The following ADK variants were observed in gnomAD, a reference collection of about 807,000 sequenced individuals.
The protein encoded by ADK is N6,N6-dimethyladenosine kinase.
In ADK, 24 loss-of-function variants were observed where a neutral mutation model predicts 44.7. The observed-to-expected ratio is 0.54, with a 90% CI of 0.39 to 0.76. ADK has a LOEUF of 0.76. Among genes scored for constraint, ADK ranks in the 30% least tolerant of loss-of-function variants. The pLI is 0.00. For missense variants in ADK, 321 were observed against 425.1 expected (o/e 0.76, Z 2.15); for synonymous variants, 128 against 142.6 (o/e 0.90, Z 0.73).
In ADK at chr10:74,480,194, A is replaced by G. The variant is rs563078060; in HGVS notation, c.556-45062A>G. On this transcript the variant is annotated intron_variant, in intron 6 of 10. Coordinates refer to ENST00000539909, the MANE Select transcript of ADK (RefSeq NM_006721.4). ...GCTTTGTGTTTTGCTCTTGAAGTCT[A>G]AGGCAGCCTAATTTTCTTTCTTTCT... Among the ~76,000 whole-genome samples the G allele has an allele frequency of 1.8e-4, 26 of 148,430 alleles. No individual in the cohort carries two copies. In the South Asian group the frequency reaches 5.1e-3, roughly 29 times the overall value.
chr10:74,179,715 CA>C (rs1268561816), intron 1 of ADK, among the ~76,000 whole-genome samples: 3 of 152,100 alleles, frequency 2.0e-5, no homozygotes, highest in Non-Finnish European at 2.9e-5. Flanking sequence ...ATGATTAATC[CA>C]CCCCTTGTTT....
chr10:74,348,909 C>G (rs1186512516), intron 4 of ADK, among the ~76,000 whole-genome samples: 2 of 150,656 alleles, frequency 1.3e-5, no homozygotes, highest in Non-Finnish European at 3.0e-5. Context: ...ACATATGAGA[C>G]TATGTGAAAA....
intron 3 of ADK, among the ~76,000 whole-genome samples, chr10:74,277,221 AAAT>A (rs1846724008): frequency 6.6e-6 from 1 of 152,040 alleles, no homozygotes; most frequent in African/African-American, 2.4e-5. Flanking sequence ...CCCAGCCTTT[AAAT>A]ATCTTAATAA....
rs1254601102 is a variant in ADK, at chr10:74,567,696, TTTG to T, written c.727-21583_727-21581del. Among the ~76,000 whole-genome samples, 239 of 131,858 alleles carry T rather than the reference TTTG, an allele frequency of 1.8e-3. 3 individuals are homozygous for T. Among genetic ancestry groups the T allele is most frequent in the African/African-American group, 8.4e-3 (225 of 26,650 alleles). 86.5% of individuals were successfully genotyped at this position (131,858 alleles called of 152,430 possible). A position where few individuals can be genotyped will look rare whatever the true frequency, so the allele number is the denominator to read the frequency against. ...CTCTCTCTCTGTTTTTTTTGTTTTT[TTTG>T]TTTTTTTTTTTTTTTTTGAGATGGA... is the stretch of plus-strand genomic sequence containing the variant. On this transcript the variant is annotated intron_variant, in intron 7 of 10. Transcript: ENST00000539909.
At chr10:74,513,139 C>A (rs906595914) in intron 6 of ADK, among the ~76,000 whole-genome samples, 4 of 151,972 alleles carry the variant, frequency 2.6e-5, no homozygotes, top group African/African-American at 9.7e-5. Flanking sequence ...TATTTTGATC[C>A]TTTAAGAATA....
intron 6 of ADK, among the ~76,000 whole-genome samples, chr10:74,411,231 A>G (rs1325066523): frequency 6.6e-6 from 1 of 152,156 alleles, no homozygotes; most frequent in African/African-American, 2.4e-5. Context: ...ATGAAAAAAA[A>G]ATCTGTAGAG....
At chr10:74,350,136 C>G (rs1423227608) in intron 4 of ADK, among the ~76,000 whole-genome samples, 1 of 152,200 alleles carries the variant, frequency 6.6e-6, no homozygotes, top group South Asian at 2.1e-4. Flanking sequence ...GCACATGGCA[C>G]TTATTCTCAA....
intron 6 of ADK, among the ~76,000 whole-genome samples, chr10:74,511,688 A>G (rs1009117774): frequency 1.3e-5 from 2 of 152,140 alleles, no homozygotes; most frequent in Non-Finnish European, 2.9e-5. Context: ...TATCAGTTCT[A>G]AGAGTTTTTT....
At chr10:74,425,903 C>G (rs974064967) in intron 6 of ADK, among the ~76,000 whole-genome samples, 3 of 152,086 alleles carry the variant, frequency 2.0e-5, no homozygotes, top group Admixed American at 1.3e-4. Flanking sequence ...CCTATTTAGT[C>G]AGAAATAGAA....
intron 4 of ADK, chr10:74,371,711 G>A: frequency 7.6e-7 from 1 of 1,320,024 alleles, no homozygotes; most frequent in Non-Finnish European, 1.1e-6. Flanking sequence ...AGAAGCTTCT[G>A]CTGGCAGCTT....
At chr10:74,312,489 A>G (rs935214379) in intron 3 of ADK, among the ~76,000 whole-genome samples, 2 of 151,432 alleles carry the variant, frequency 1.3e-5, no homozygotes, top group Admixed American at 1.3e-4. Flanking sequence ...TTCATTTTTT[A>G]AAAATTGCAC....
intron 6 of ADK, among the ~76,000 whole-genome samples, chr10:74,487,518 T>A (rs1416084651): frequency 6.6e-6 from 1 of 151,126 alleles, no homozygotes; most frequent in African/African-American, 2.5e-5. Context: ...TGCCAGTTTA[T>A]TTTTTGGCTA....
intron 4 of ADK, among the ~76,000 whole-genome samples, chr10:74,348,046 CA>C (rs1841837065): frequency 1.3e-5 from 2 of 152,292 alleles, no homozygotes; most frequent in East Asian, 3.9e-4. Flanking sequence ...CTGATACTGA[CA>C]AGGAGGATTC....
intron 1 of ADK, among the ~76,000 whole-genome samples, chr10:74,164,684 C>CCT (rs1841989597): frequency 6.6e-6 from 1 of 152,038 alleles, no homozygotes; most frequent in African/African-American, 2.4e-5. Context: ...TAGACTTATA[C>CCT]TCGTAGATTC....
At chr10:74,185,702 A>G (rs1842728406) in intron 1 of ADK, among the ~76,000 whole-genome samples, 1 of 151,082 alleles carries the variant, frequency 6.6e-6, no homozygotes, top group African/African-American at 2.4e-5. Context: ...CAGGCGTGGT[A>G]GCGGGCGCCT....
chr10:74,489,412 A>G (rs1847386601), intron 6 of ADK, among the ~76,000 whole-genome samples: 2 of 152,022 alleles, frequency 1.3e-5, no homozygotes, highest in Non-Finnish European at 2.9e-5. Flanking sequence ...ACATTCCCAG[A>G]TAGAATAACA....
At chr10:74,576,166 T>A (rs1254413711) in intron 7 of ADK, among the ~76,000 whole-genome samples, 1 of 151,856 alleles carries the variant, frequency 6.6e-6, no homozygotes, top group Non-Finnish European at 1.5e-5. Context: ...GCAAATAAGA[T>A]AAGCAACAGA....
chr10:74,630,610 A>G (rs114279307), intron 9 of ADK, among the ~76,000 whole-genome samples: 318 of 152,284 alleles, frequency 2.1e-3, no homozygotes, highest in African/African-American at 7.3e-3. Context: ...CAAAGACGTG[A>G]TACTAATTAG....
At chr10:74,527,977 T>A (rs1289783637) in intron 7 of ADK, 1 of 796,454 alleles carries the variant, frequency 1.3e-6, no homozygotes, top group Non-Finnish European at 2.2e-6. Context: ...TAAGAAAAAA[T>A]TATGGAAAAA....
Sources: gnomAD v4.1 joint callset for allele counts (sites outside exome capture counted in the v4.1 genomes callset) on GRCh38, gnomAD v4.1.1 for gene constraint, MANE v1.5 for transcripts, NCBI Gene and HGNC (gene_info 2026-07-23, HGNC 2026-07-21) for gene names.